The following TMEM59 variants were observed in gnomAD, a reference collection of about 807,000 sequenced individuals.
The protein encoded by TMEM59 is transmembrane protein 59, also known as dendritic cell factor 1.
A neutral mutation model predicts 42.2 loss-of-function variants in TMEM59; 44 were observed. The observed-to-expected ratio is 1.04, with a 90% CI of 0.82 to 1.34. TMEM59 has a LOEUF of 1.34. Ranked by LOEUF, TMEM59 falls within the 40% of genes most tolerant of loss-of-function variation. The probability of loss-of-function intolerance (pLI) is 0.00; values close to 1 mark genes in which losing one functional copy is unlikely to be tolerated. For synonymous variants in TMEM59, 148 were observed against 145.8 expected (o/e 1.02, Z -0.11); for missense variants, 359 against 382.8 (o/e 0.94, Z 0.52).
chr1:54,053,405 C>A (rs892816956), upstream of TMEM59: 2 of 592,646 alleles, frequency 3.4e-6, no homozygotes, highest in Non-Finnish European at 5.9e-6. Context: ...GAGGGGAATT[C>A]AACCATCGCA....
At chr1:54,032,590 C>T (rs923700906) in intron 7 of TMEM59, among the ~76,000 whole-genome samples, 2 of 152,242 alleles carry the variant, frequency 1.3e-5, no homozygotes, top group Non-Finnish European at 2.9e-5. Context: ...AGTCCTTCAA[C>T]ATCTTAGCTC....
intron 7 of TMEM59, among the ~76,000 whole-genome samples, chr1:54,035,207 T>C (rs1656905114): frequency 6.6e-6 from 1 of 152,250 alleles, no homozygotes; most frequent in African/African-American, 2.4e-5. Flanking sequence ...TCATTTTTCA[T>C]GTGCAAATCA....
intron 7 of TMEM59, chr1:54,033,690 T>C (rs936528276): frequency 1.3e-5 from 2 of 151,406 alleles, no homozygotes; most frequent in Non-Finnish European, 1.5e-5. Flanking sequence ...AGTTAGAAAC[T>C]GAAGTGCTGA....
Position 54,047,159 on chromosome 1 carries a change from G to A in TMEM59, c.295+108C>T, listed in dbSNP as rs1001268277. On this transcript the variant is annotated intron_variant, in intron 2 of 7. Transcript: ENST00000234831. The stretch of plus-strand genomic sequence containing the variant: ...CCATAATAATTACAATATGTTAGAT[G>A]ACTAGTTTCAACAGTGTGTTTTCCA... 19 of 815,422 alleles carry A rather than the reference G, an allele frequency of 2.3e-5. No homozygotes were observed. In the Admixed American group the frequency reaches 5.5e-4, roughly 24 times the overall value. The allele number at this position is 815,422 out of a possible 1,614,324, so 50.5% of individuals were successfully genotyped here.
At chr1:54,041,665 T>G in intron 5 of TMEM59, 59 bp downstream of exon 5, 2 of 1,383,064 alleles carry the variant, frequency 1.4e-6, no homozygotes, top group Non-Finnish European at 2.0e-6. Context: ...TGACCAACTC[T>G]ACTACAACCA....
rs1656746394 is a variant in TMEM59, at chr1:54,030,907, T to G, written c.*1243A>C. On this transcript the variant is annotated 3_prime_UTR_variant, in exon 8 of 8. Transcript: ENST00000234831. ...GCCCCTGTGACTGAGGAAAGTATTG[T>G]TTTACAAAGTTTTTAATATTTTATG... is the stretch of plus-strand genomic sequence containing the variant. 2.0e-5 allele frequency: 3 copies of G among 152,154 alleles called. No individual in the cohort carries two copies. The allele number at this position is 152,154 out of a possible 1,614,324, so 9.4% of individuals were successfully genotyped here.
intron 7 of TMEM59, among the ~76,000 whole-genome samples, chr1:54,032,949 G>A (rs1393760966): frequency 1.3e-5 from 2 of 149,352 alleles, no homozygotes; most frequent in Non-Finnish European, 3.0e-5. Flanking sequence ...TTAAAGAGAC[G>A]GGGTCTTGTT....
At chr1:54,033,664 A>C (rs1656845818) in intron 7 of TMEM59, 1 of 152,044 alleles carries the variant, frequency 6.6e-6, no homozygotes, top group African/African-American at 2.4e-5. Flanking sequence ...TACGGCAACA[A>C]ATCCCTGTAT....
rs1432358814 is a variant in TMEM59, at chr1:54,047,255, A to G, written c.295+12T>C. ...GTTACATACAGCTGATGTCGTTAGC[A>G]TAGCATCTTACCAGATTCACATTCC... On this transcript the variant is annotated intron_variant, in intron 2 of 7. Transcript: ENST00000234831. 2.5e-6 allele frequency: 4 copies of G among 1,602,570 alleles called. No individual in the cohort carries two copies. The highest frequency in any genetic ancestry group is 2.2e-5 in the South Asian group (2 of 90,580).
At chr1:54,045,890 T>G (rs1357261062) in intron 2 of TMEM59, 104 bp from the exon 3 acceptor site, 19 of 1,009,588 alleles carry the variant, frequency 1.9e-5, no homozygotes, top group Non-Finnish European at 2.7e-5. Flanking sequence ...CTTAAAAAGG[T>G]TTCATCAATG....
At chr1:54,048,688 A>G in intron 1 of TMEM59, 1 of 457,966 alleles carries the variant, frequency 2.2e-6, no homozygotes, top group South Asian at 1.6e-5. Flanking sequence ...GACACCTAAT[A>G]AGGAAACAGC....
At position 54,032,248 on chromosome 1, in the gene TMEM59, G is replaced by T. The variant is rs781445464; in HGVS notation, c.874C>A (p.Pro292Thr). Reference protein sequence around the residue: ...FMNEQKLNRYPASSLVVVRSK... With the variant: ...FMNEQKLNRYTASSLVVVRSK... ...CTAACAACCACAAGAGAAGAAGCTGGATATCTGTTTAGCTTTTGTTCATTC... is the reference window on the plus strand; with the variant it reads ...CTAACAACCACAAGAGAAGAAGCTGTATATCTGTTTAGCTTTTGTTCATTC... Residue 292 changes from proline to threonine, a missense_variant, in exon 8 of 8, where the codon CCA (proline) becomes ACA (threonine). Transcript: ENST00000234831. The T allele has an allele frequency of 3.1e-6, 5 of 1,612,958 alleles. No individual in the cohort carries two copies. Among genetic ancestry groups the T allele is most frequent in the Non-Finnish European group, 4.2e-6 (5 of 1,179,424 alleles).
intron 6 of TMEM59, among the ~76,000 whole-genome samples, chr1:54,039,257 C>G (rs1367100834): frequency 6.6e-6 from 1 of 151,656 alleles, no homozygotes; most frequent in Admixed American, 6.6e-5. Context: ...AGTTGCTTCA[C>G]AAAATTACTT....
Position 54,036,748 on chromosome 1 carries a change from A to G in TMEM59, c.708-30T>C, listed in dbSNP as rs779635163. The G allele has an allele frequency of 1.2e-5, 17 of 1,478,218 alleles. No individual in the cohort carries two copies. The African/African-American group carries it at 2.4e-4, about 21-fold the overall frequency. 91.6% of individuals were successfully genotyped at this position (1,478,218 alleles called of 1,614,324 possible). A position where few individuals can be genotyped will look rare whatever the true frequency, so the allele number is the denominator to read the frequency against. ...AAAAAAAAAATCAACAATTAGTTAT[A>G]TTAAAATTTTATAAGAAACAGGAAA... On this transcript the variant is annotated intron_variant, in intron 6 of 7. Transcript: ENST00000234831.
chr1:54,049,859 C>T (rs979164388), intron 1 of TMEM59, among the ~76,000 whole-genome samples: 1 of 152,044 alleles, frequency 6.6e-6, no homozygotes, highest in Non-Finnish European at 1.5e-5. Flanking sequence ...AAGTGATCAG[C>T]AAGGACAAAC....
chr1:54,037,513 G>T (rs1656992630), intron 6 of TMEM59, among the ~76,000 whole-genome samples: 1 of 152,130 alleles, frequency 6.6e-6, no homozygotes, highest in Non-Finnish European at 1.5e-5. Context: ...AAGATTCAAA[G>T]AATAGGAAAA....
chr1:54,042,448 T>G (rs1216308524), intron 4 of TMEM59, among the ~76,000 whole-genome samples: 2 of 152,182 alleles, frequency 1.3e-5, no homozygotes, highest in Non-Finnish European at 1.5e-5. Context: ...TAAGTAGCTT[T>G]AGGACCTAGA....
chr1:54,041,590 T>C, intron 5 of TMEM59, 134 bp downstream of exon 5: 1 of 668,362 alleles, frequency 1.5e-6, no homozygotes, highest in Non-Finnish European at 2.5e-6. Flanking sequence ...GTAATACACA[T>C]GAAAGTTTGA....
At chr1:54,037,516 T>C (rs545249657) in intron 6 of TMEM59, among the ~76,000 whole-genome samples, 46 of 152,338 alleles carry the variant, frequency 3.0e-4, no homozygotes, top group African/African-American at 1.1e-3. Context: ...ATTCAAAGAA[T>C]AGGAAAAAGT....
Sources: allele counts gnomAD v4.1 joint callset (sites outside exome capture counted in the v4.1 genomes callset), GRCh38; gene constraint gnomAD v4.1.1; transcripts MANE v1.5; gene names NCBI Gene and HGNC (gene_info 2026-07-23, HGNC 2026-07-21).